Variants in KANSL1 observed in about 807,000 individuals in gnomAD.
KANSL1 encodes KAT8 regulatory NSL complex subunit 1, also known as MLL1/MLL complex subunit KANSL1.
KANSL1 carries 22 observed loss-of-function variants against 103.6 expected under a neutral mutation model. The observed-to-expected ratio is 0.21, with a 90% confidence interval of 0.15 to 0.30. The LOEUF is 0.30. Among genes scored for constraint, KANSL1 ranks in the 10% least tolerant of loss-of-function variants. The pLI, the probability that KANSL1 is intolerant of heterozygous loss-of-function variation, is 1.00. For synonymous variants in KANSL1, 600 were observed against 527.6 expected (o/e 1.14, Z -1.88); for missense variants, 1,337 against 1,399.8 (o/e 0.96, Z 0.72).
Position 46,032,253 on chromosome 17 carries a change from C to T in KANSL1, c.2884G>A (p.Ala962Thr), listed in dbSNP as rs769035708. 9.0e-6 allele frequency: 14 copies of T among 1,553,452 alleles called. No homozygotes were observed. Among genetic ancestry groups the T allele is most frequent in the Non-Finnish European group, 1.2e-5 (14 of 1,147,060 alleles). ...GCAGGCTGGGGGGTGGAGGGGTTGG[C>T]ACTGCCCAGCTGGGGGGTTGTCCGG... The part of the protein sequence containing the change: ...DGRTTPQLGS[A>T]NPSTPQPASP... The change falls in exon 14 of 15, where the codon GCC (alanine) becomes ACC (threonine). Residue 962 changes from alanine (A) to threonine (T), a missense_variant. By Grantham distance (58) the Ala-to-Thr change is moderately conservative. Transcript: ENST00000432791.
intron 1 of KANSL1, among the ~76,000 whole-genome samples, chr17:46,186,370 C>T (rs1461023977): frequency 1.4e-5 from 2 of 146,030 alleles, no homozygotes; most frequent in Non-Finnish European, 3.0e-5. Context: ...GGGCACAGAG[C>T]GAGACTGTGT....
intron 2 of KANSL1, among the ~76,000 whole-genome samples, chr17:46,164,205 A>T (rs999789378): frequency 1.3e-5 from 2 of 152,264 alleles, no homozygotes; most frequent in African/African-American, 4.8e-5. Flanking sequence ...CACTTCAGAG[A>T]ACAAAAACAA....
chr17:46,157,850 G>A (rs1402080502), intron 2 of KANSL1, among the ~76,000 whole-genome samples: 1 of 152,234 alleles, frequency 6.6e-6, no homozygotes, highest in East Asian at 1.9e-4. Context: ...TTTGAATAAG[G>A]ATCTTGAAAA....
At chr17:46,105,828 G>A (rs1386169392) in intron 2 of KANSL1, among the ~76,000 whole-genome samples, 1 of 151,200 alleles carries the variant, frequency 6.6e-6, no homozygotes, top group African/African-American at 2.4e-5. Flanking sequence ...TCGAGACTGC[G>A]CCACTGTACT....
intron 2 of KANSL1, among the ~76,000 whole-genome samples, chr17:46,165,907 G>A (rs2045971368): frequency 6.6e-6 from 1 of 152,122 alleles, no homozygotes. Context: ...TAAACTCCAA[G>A]AGGATAAAAT....
At chr17:46,078,688 C>T (rs2078877370) in intron 4 of KANSL1, among the ~76,000 whole-genome samples, 1 of 152,208 alleles carries the variant, frequency 6.6e-6, no homozygotes, top group African/African-American at 2.4e-5. Context: ...GAGTAATTTA[C>T]CTAGTAATAT....
intron 1 of KANSL1, among the ~76,000 whole-genome samples, chr17:46,212,719 G>A (rs1359009549): frequency 6.6e-6 from 1 of 152,032 alleles, no homozygotes; most frequent in Non-Finnish European, 1.5e-5. Flanking sequence ...ATTCCTAGAT[G>A]TGCAATTACT....
At position 46,106,390 on chromosome 17, in the gene KANSL1, T is replaced by TTTTTG. The variant is rs557058181; in HGVS notation, c.1290-11694_1290-11690dup. On this transcript the variant is annotated intron_variant, in intron 2 of 14. Coordinates refer to ENST00000432791, the MANE Select transcript of KANSL1 (RefSeq NM_015443.4). The stretch of plus-strand genomic sequence containing the variant: ...GTAAGATATCTATGAGACCATACTT[T>TTTTTG]TTTTGTTTTGTTTTGTTTTTGAGAT... Among the ~76,000 whole-genome samples, 83 of 152,334 alleles carry TTTTTG rather than the reference T, an allele frequency of 5.4e-4. 2 individuals carry two copies. In the South Asian group the frequency reaches 0.017, roughly 31 times the overall value.
upstream of KANSL1, chr17:46,194,026 A>C (rs958643513): frequency 6.5e-6 from 1 of 152,796 alleles, no homozygotes; most frequent in African/African-American, 2.4e-5. Flanking sequence ...TAGCCCCAGC[A>C]CCGCGCTCCG....
chr17:46,115,572 T>C (rs1464276325), intron 2 of KANSL1, among the ~76,000 whole-genome samples: 1 of 152,134 alleles, frequency 6.6e-6, no homozygotes. Context: ...TATTACATGA[T>C]GCATATACGG....
chr17:46,173,109 A>C (rs1380022075), intron 1 of KANSL1, among the ~76,000 whole-genome samples: 1 of 152,240 alleles, frequency 6.6e-6, no homozygotes, highest in Non-Finnish European at 1.5e-5. Flanking sequence ...TCTCTGAAGC[A>C]CTGGACAATA....
intron 2 of KANSL1, among the ~76,000 whole-genome samples, chr17:46,125,693 T>G (rs1273356049): frequency 6.6e-6 from 1 of 152,244 alleles, no homozygotes; most frequent in African/African-American, 2.4e-5. Context: ...TAAGGACTCC[T>G]TGCTCATTAA....
intron 10 of KANSL1, chr17:46,034,603 T>A (rs1246379982): frequency 9.8e-6 from 3 of 305,254 alleles, no homozygotes; most frequent in Non-Finnish European, 1.9e-5. Flanking sequence ...CTACTCTATA[T>A]ACACCTCTAT....
chr17:46,137,955 T>C (rs115632668), intron 2 of KANSL1, among the ~76,000 whole-genome samples: 3 of 151,902 alleles, frequency 2.0e-5, no homozygotes, highest in South Asian at 4.2e-4. Context: ...CACTATGTAG[T>C]GTGTTAAAAT....
chr17:46,147,981 C>T (rs893168859), intron 2 of KANSL1: 3 of 152,158 alleles, frequency 2.0e-5, no homozygotes, highest in African/African-American at 7.2e-5. Flanking sequence ...TGTGGTTACT[C>T]GTTCTGGGCC....
intron 1 of KANSL1, among the ~76,000 whole-genome samples, chr17:46,187,489 A>C (rs1041997867): frequency 2.0e-5 from 3 of 152,234 alleles, no homozygotes; most frequent in African/African-American, 7.2e-5. Flanking sequence ...AACTGCACTC[A>C]ATCTACCTCC....
At chr17:46,063,896 GT>G (rs748269019) in intron 6 of KANSL1, among the ~76,000 whole-genome samples, 313 of 132,854 alleles carry the variant, frequency 2.4e-3, no homozygotes, top group African/African-American at 7.2e-3. Context: ...TGAGGTGGCG[GT>G]TTTTTTTTTT....
At chr17:46,080,570 C>T (rs1416125349) in intron 4 of KANSL1, among the ~76,000 whole-genome samples, 2 of 151,998 alleles carry the variant, frequency 1.3e-5, no homozygotes, top group South Asian at 2.1e-4. Context: ...AAAAACTTTG[C>T]CTGGCAATTG....
chr17:46,153,534 A>C (rs888988014), intron 2 of KANSL1, among the ~76,000 whole-genome samples: 1 of 152,268 alleles, frequency 6.6e-6, no homozygotes, highest in Non-Finnish European at 1.5e-5. Context: ...GGCTGTTTAC[A>C]AAATGTTTCG....
Sources: gnomAD v4.1 joint callset for allele counts (sites outside exome capture counted in the v4.1 genomes callset) on GRCh38, gnomAD v4.1.1 for gene constraint, MANE v1.5 for transcripts, NCBI Gene and HGNC (gene_info 2026-07-23, HGNC 2026-07-21) for gene names.